IRAK2: variants seen among roughly 807,000 people sequenced by gnomAD.
IRAK2 encodes the protein interleukin 1 receptor associated kinase 2, also known as interleukin-1 receptor-associated kinase-like 2.
Under a neutral mutation model 72.0 loss-of-function variants are expected in IRAK2, and 57 were observed. The ratio of observed to expected loss-of-function variants is 0.79; its 90% confidence interval spans 0.64 to 0.99. IRAK2 has a LOEUF of 0.99. IRAK2 is among the 50% of genes least tolerant of loss of function. IRAK2 has a pLI of 0.00. For synonymous variants in IRAK2, 293 were observed against 312.7 expected, an observed-to-expected ratio of 0.94 and a Z score of 0.67; for missense variants, 790 against 794.4, an observed-to-expected ratio of 0.99 and a Z score of 0.07.
In IRAK2 at chr3:10,213,380, C is replaced by G. The variant is rs757301702; in HGVS notation, c.702C>G (p.Phe234Leu). Reference protein sequence around the residue: ...VYRGHRHGKPFVFKKLRETAC... With the variant: ...VYRGHRHGKPLVFKKLRETAC... ...GAGGGCACAGGCACGGGAAGCCATT[C>G]GTCTTCAAGAAGCTCAGAGAGGTGA... Residue 234 changes from phenylalanine to leucine, a missense_variant, in exon 5 of 13, where the codon TTC becomes TTG. Coordinates refer to ENST00000256458, the MANE Select transcript of IRAK2 (RefSeq NM_001570.4). 1.9e-6 allele frequency: 3 copies of G among 1,613,966 alleles called. No individual in the cohort carries two copies. The highest frequency in any genetic ancestry group is 1.7e-5 in the Admixed American group (1 of 59,990).
intron 4 of IRAK2, among the ~76,000 whole-genome samples, chr3:10,211,575 T>C (rs1222735652): frequency 6.6e-6 from 1 of 152,096 alleles, no homozygotes; most frequent in Non-Finnish European, 1.5e-5. Flanking sequence ...GCTGACATCA[T>C]GCCATTGCAC....
At chr3:10,222,858 T>C (rs1372625909) in intron 9 of IRAK2, 27 bp downstream of exon 9, 1 of 1,596,740 alleles carries the variant, frequency 6.3e-7, no homozygotes, top group South Asian at 1.1e-5. Flanking sequence ...CTGCGTAGAG[T>C]GGGGCCCACC....
intron 2 of IRAK2, among the ~76,000 whole-genome samples, chr3:10,198,805 C>T (rs114904613): frequency 0.012 from 1,815 of 152,164 alleles, 38 homozygotes; most frequent in African/African-American, 0.041. Flanking sequence ...CTACCTGGGA[C>T]ATCTGTTGTG....
intron 3 of IRAK2, among the ~76,000 whole-genome samples, chr3:10,204,680 C>T (rs113812169): frequency 0.012 from 1,754 of 151,932 alleles, 32 homozygotes; most frequent in African/African-American, 0.04. Flanking sequence ...ACCTGGGAGG[C>T]GGAGGTTGCA....
In IRAK2 at chr3:10,213,339, T is replaced by G. The variant is rs550236652; in HGVS notation, c.661T>G (p.Phe221Val). ...AAACCGCAAAATCAGCCAGGGGACCTTTGCTGACGTCTACAGAGGGCACAG... is the reference window on the plus strand; with the variant it reads ...AAACCGCAAAATCAGCCAGGGGACCGTTGCTGACGTCTACAGAGGGCACAG... Reference protein sequence around the residue: ...NQNRKISQGTFADVYRGHRHG... With the variant: ...NQNRKISQGTVADVYRGHRHG... The change falls in exon 5 of 13, where the codon TTT (phenylalanine) becomes GTT (valine). Residue 221 changes from phenylalanine (F) to valine (V), a missense_variant. Transcript: ENST00000256458. 1 of 1,614,092 alleles carries G rather than the reference T, an allele frequency of 6.2e-7. No individual in the cohort carries two copies. Among genetic ancestry groups the G allele is most frequent in the African/African-American group, 1.3e-5 (1 of 75,010 alleles).
chr3:10,165,826 G>C (rs1696677736), intron 1 of IRAK2, among the ~76,000 whole-genome samples: 1 of 147,102 alleles, frequency 6.8e-6, no homozygotes, highest in African/African-American at 2.5e-5. Context: ...CGCCTCCCGG[G>C]TTCACGCCAT....
intron 3 of IRAK2, among the ~76,000 whole-genome samples, chr3:10,208,161 C>T (rs1482381764): frequency 1.3e-5 from 2 of 151,812 alleles, no homozygotes; most frequent in Non-Finnish European, 2.9e-5. Flanking sequence ...CGCACAGAAG[C>T]AGGCCTTGGC....
chr3:10,197,575 G>A (rs7621623), intron 2 of IRAK2, among the ~76,000 whole-genome samples: 82,496 of 151,858 alleles, frequency 0.54, 27,113 homozygotes, highest in Non-Finnish European at 0.73. Context: ...AAGGAGGGCC[G>A]GGCATGGTGG....
chr3:10,242,172 A>G lies in IRAK2; in HGVS notation c.1822A>G (p.Asn608Asp). 2 of 1,613,844 alleles carry G rather than the reference A, an allele frequency of 1.2e-6. No homozygotes were observed. Among genetic ancestry groups the G allele is most frequent in the South Asian group, 2.2e-5 (2 of 91,050 alleles). Residue 608 changes from asparagine (N) to aspartate (D), a missense_variant, in exon 13 of 13, where the codon AAT (asparagine) becomes GAT (aspartate). Transcript: ENST00000256458. ...INEAKRKLMENILLYKEEKVD... is the reference protein window; with the variant it reads ...INEAKRKLMEDILLYKEEKVD... The stretch of plus-strand genomic sequence containing the variant: ...TGAGGCCAAAAGGAAACTGATGGAG[A>G]ATATTCTGCTCTACAAAGAGGAAAA...
At position 10,181,754 on chromosome 3, in the gene IRAK2, C is replaced by T. The variant is rs1024180251; in HGVS notation, c.277+3734C>T. ...TAACCACACACAAAAAATACTTCTG[C>T]GAGGACATCTGCCCAGCAAATGCCT... On this transcript the variant is annotated intron_variant, in intron 2 of 12. Coordinates refer to ENST00000256458, the MANE Select transcript of IRAK2 (RefSeq NM_001570.4). Among the ~76,000 whole-genome samples, 11 of 152,132 alleles carry T rather than the reference C, an allele frequency of 7.2e-5. 1 individual carries two copies. Among genetic ancestry groups the T allele is most frequent in the South Asian group, 6.2e-4 (3 of 4,826 alleles).
At chr3:10,174,932 C>CAAAAAAA (rs771089899) in intron 1 of IRAK2, among the ~76,000 whole-genome samples, 4 of 143,240 alleles carry the variant, frequency 2.8e-5, no homozygotes, top group Admixed American at 6.9e-5. Context: ...ATGCCTGTAC[C>CAAAAAAA]AAAAAAAAAA....
intron 1 of IRAK2, among the ~76,000 whole-genome samples, chr3:10,173,866 T>C (rs1368039238): frequency 6.6e-6 from 1 of 152,150 alleles, no homozygotes; most frequent in Non-Finnish European, 1.5e-5. Flanking sequence ...GGTTAAATGC[T>C]GATTGGTCAA....
At chr3:10,228,006 C>G (rs9917753) in intron 10 of IRAK2, among the ~76,000 whole-genome samples, 2 of 151,762 alleles carry the variant, frequency 1.3e-5, no homozygotes, top group Admixed American at 6.6e-5. Flanking sequence ...TCCAACCATA[C>G]GAATTCAGTA....
chr3:10,233,080 C>G (rs1697882199), intron 10 of IRAK2, among the ~76,000 whole-genome samples: 1 of 152,092 alleles, frequency 6.6e-6, no homozygotes, highest in East Asian at 1.9e-4. Flanking sequence ...GACGGAGTCT[C>G]ACTCTGTCGC....
At chr3:10,226,810 G>A (rs183709423) in intron 10 of IRAK2, among the ~76,000 whole-genome samples, 25 of 152,050 alleles carry the variant, frequency 1.6e-4, no homozygotes, top group Admixed American at 1.2e-3. Flanking sequence ...TCCAGGTGTG[G>A]TCGCATGTGC....
chr3:10,174,102 C>T (rs537218660), intron 1 of IRAK2, among the ~76,000 whole-genome samples: 2 of 152,116 alleles, frequency 1.3e-5, no homozygotes, highest in Non-Finnish European at 2.9e-5. Flanking sequence ...GTGTGGATGA[C>T]CAATGCTTCG....
intron 2 of IRAK2, among the ~76,000 whole-genome samples, chr3:10,190,589 G>A (rs1025391816): frequency 3.9e-5 from 6 of 152,140 alleles, no homozygotes; most frequent in African/African-American, 1.4e-4. Flanking sequence ...TGAACAGAGT[G>A]TGGAATGCCT....
chr3:10,179,321 G>C (rs1232676178), intron 2 of IRAK2, among the ~76,000 whole-genome samples: 3 of 148,946 alleles, frequency 2.0e-5, no homozygotes, highest in Non-Finnish European at 4.4e-5. Context: ...TCCCAGGCTG[G>C]AGAGCAGTGG....
chr3:10,213,163 C>A (rs376323243), intron 4 of IRAK2, 44 bp from the exon 5 acceptor site: 3 of 1,527,146 alleles, frequency 2.0e-6, no homozygotes, highest in Non-Finnish European at 2.7e-6. Flanking sequence ...GCAGAGAAAA[C>A]GAGATTCCAT....
Sources: gnomAD v4.1 joint callset for allele counts (sites outside exome capture counted in the v4.1 genomes callset) on GRCh38, gnomAD v4.1.1 for gene constraint, MANE v1.5 for transcripts, NCBI Gene and HGNC (gene_info 2026-07-23, HGNC 2026-07-21) for gene names.